Variants in TAF4B observed in about 807,000 individuals in gnomAD.
The protein encoded by TAF4B is transcription initiation factor TFIID subunit 4B.
Under a neutral mutation model 86.4 loss-of-function variants are expected in TAF4B, and 38 were observed. That is an observed-to-expected ratio of 0.44 (90% confidence interval 0.34 to 0.58). The LOEUF is 0.58. TAF4B is among the 20% of genes least tolerant of loss of function. The probability of loss-of-function intolerance (pLI) is 0.02; values close to 1 mark genes in which losing one functional copy is unlikely to be tolerated. For missense variants in TAF4B, 988 were observed against 1,027.6 expected, an observed-to-expected ratio of 0.96 and a Z score of 0.53; for synonymous variants, 388 against 391.2, an observed-to-expected ratio of 0.99 and a Z score of 0.10.
intron 9 of TAF4B, among the ~76,000 whole-genome samples, chr18:26,300,453 G>T (rs2056718134): frequency 1.5e-5 from 2 of 136,778 alleles, no homozygotes; most frequent in South Asian, 4.9e-4. Flanking sequence ...GCACCCAACT[G>T]ATTATAGGGT....
At chr18:26,260,793 T>C (rs2056153890) in intron 1 of TAF4B, among the ~76,000 whole-genome samples, 1 of 152,264 alleles carries the variant, frequency 6.6e-6, no homozygotes, top group Non-Finnish European at 1.5e-5. Context: ...TTAAAAATAA[T>C]ATCTATCTCT....
At chr18:26,280,576 A>G (rs1348309990) in intron 5 of TAF4B, among the ~76,000 whole-genome samples, 1 of 152,224 alleles carries the variant, frequency 6.6e-6, no homozygotes, top group Non-Finnish European at 1.5e-5. Context: ...TAATCATCAG[A>G]GAAATGCAAA....
chr18:26,277,197 C>T (rs1395690622), intron 5 of TAF4B, among the ~76,000 whole-genome samples: 3 of 152,134 alleles, frequency 2.0e-5, no homozygotes, highest in Admixed American at 6.5e-5. Flanking sequence ...AATCCTCCCA[C>T]GTCAACCTCC....
chr18:26,295,985 A>ATT (rs1555679074), intron 9 of TAF4B, among the ~76,000 whole-genome samples: 3 of 32,426 alleles, frequency 9.3e-5, no homozygotes, highest in Non-Finnish European at 1.7e-4. Flanking sequence ...CTTGTTCACG[A>ATT]TTTTGTGTGT....
At chr18:26,386,362 CT>C (rs1236562715) in intron 14 of TAF4B, among the ~76,000 whole-genome samples, 1 of 151,966 alleles carries the variant, frequency 6.6e-6, no homozygotes, top group African/African-American at 2.4e-5. Flanking sequence ...CCTTTCCCCC[CT>C]CTCTTTGCTT....
chr18:26,285,978 T>C lies in TAF4B; in HGVS notation c.1069T>C (p.Cys357Arg), dbSNP rs2056515820. ...TTCTAGTGACATGGTCATTGCTACC[T>C]GTACTACAACAGTAACAACTTCTCC... is the stretch of plus-strand genomic sequence containing the variant. ...QTSSDMVIAT[C>R]TTTVTTSPVV... Residue 357 changes from cysteine (C) to arginine (R), a missense_variant, in exon 7 of 15, where the codon TGT becomes CGT. By Grantham distance (180) the Cys-to-Arg change is radical. Coordinates refer to ENST00000269142, the MANE Select transcript of TAF4B (RefSeq NM_005640.3). 1.2e-6 allele frequency: 2 copies of C among 1,614,112 alleles called. No individual in the cohort carries two copies. The highest frequency in any genetic ancestry group is 1.7e-5 in the Admixed American group (1 of 60,014).
At chr18:26,312,507 T>C (rs2056863258) in intron 9 of TAF4B, among the ~76,000 whole-genome samples, 1 of 152,162 alleles carries the variant, frequency 6.6e-6, no homozygotes, top group East Asian at 1.9e-4. Context: ...GAGTAGTTAG[T>C]TCCCTGCTCA....
At position 26,286,431 on chromosome 18, in the gene TAF4B, C is replaced by T. The variant is rs2056524530; in HGVS notation, c.1522C>T (p.Leu508Phe). The change falls in exon 7 of 15, where the codon CTT becomes TTT. Residue 508 changes from leucine to phenylalanine, a missense_variant. Physicochemically the swap from Leu to Phe is conservative, Grantham distance 22. Transcript: ENST00000269142. ...TATTGGGACTCCAGTTCAAATCAAA[C>T]TTGCCCAGCCGGGCCCTGTCCTTTC... ...PVIGTPVQIK[L>F]AQPGPVLSQP... is the part of the protein sequence containing the mutation. The T allele has an allele frequency of 3.1e-6, 5 of 1,614,202 alleles. No individual in the cohort carries two copies. The East Asian group carries it at 1.1e-4, about 36-fold the overall frequency.
intron 9 of TAF4B, 39 bp from the exon 10 acceptor site, chr18:26,315,190 C>CAAAAA: frequency 7.2e-7 from 1 of 1,395,222 alleles, no homozygotes. Flanking sequence ...CACACACACA[C>CAAAAA]ACAACCTAAA....
intron 5 of TAF4B, among the ~76,000 whole-genome samples, chr18:26,280,043 C>CAAAAAAAAA: frequency 6.9e-6 from 1 of 144,694 alleles, no homozygotes; most frequent in South Asian, 2.2e-4. Context: ...GACTCTATCT[C>CAAAAAAAAA]AAAAAAAAAA....
intron 9 of TAF4B, among the ~76,000 whole-genome samples, chr18:26,306,911 G>A (rs2056800793): frequency 6.6e-6 from 1 of 152,016 alleles, no homozygotes; most frequent in Non-Finnish European, 1.5e-5. Context: ...CTGAGTAGCT[G>A]GGTCTACAGG....
intron 12 of TAF4B, among the ~76,000 whole-genome samples, chr18:26,329,693 T>G (rs1045081675): frequency 6.6e-6 from 1 of 152,272 alleles, no homozygotes; most frequent in African/African-American, 2.4e-5. Flanking sequence ...TCAAGCATGC[T>G]TGGCAGGAAT....
At chr18:26,378,805 A>T (rs1424244830) in intron 14 of TAF4B, among the ~76,000 whole-genome samples, 1 of 152,118 alleles carries the variant, frequency 6.6e-6, no homozygotes, top group Non-Finnish European at 1.5e-5. Flanking sequence ...CCATATGATA[A>T]TGTAGTCTTG....
At position 26,327,112 on chromosome 18, in the gene TAF4B, A is replaced by G. The variant is rs746706226; in HGVS notation, c.2231A>G (p.Glu744Gly). 9.3e-6 allele frequency: 15 copies of G among 1,613,136 alleles called. No individual in the cohort carries two copies. The South Asian group carries it at 1.5e-4, about 17-fold the overall frequency. ...QLEKQRKDLE[E>G]REMLLKAAKS... Reference sequence around the variant, plus strand: ...GAGAAGCAGAGAAAGGATTTGGAAGAAAGAGAAATGTTACTTAAGGCAGCC... The same window carrying G: ...GAGAAGCAGAGAAAGGATTTGGAAGGAAGAGAAATGTTACTTAAGGCAGCC... The change falls in exon 12 of 15, where the codon GAA (glutamate) becomes GGA (glycine). Residue 744 changes from glutamate to glycine, a missense_variant. Transcript: ENST00000269142.
At chr18:26,381,933 A>G (rs1191143224) in intron 14 of TAF4B, among the ~76,000 whole-genome samples, 3 of 148,378 alleles carry the variant, frequency 2.0e-5, no homozygotes, top group African/African-American at 5.0e-5. Context: ...TATGTTTCCA[A>G]TTTCTAATGG....
Position 26,226,679 on chromosome 18 carries a change from G to A in TAF4B, c.-255G>A. On this transcript the variant is annotated 5_prime_UTR_variant, in exon 1 of 15. Transcript: ENST00000269142. ...GCAGCGCACGTGTGAGCGCCGCTGAGGAAGCTGCGAGAGGTCGGGCGGGTG... is the reference window on the plus strand; with the variant it reads ...GCAGCGCACGTGTGAGCGCCGCTGAAGAAGCTGCGAGAGGTCGGGCGGGTG... 2.7e-6 allele frequency: 1 copy of A among 373,362 alleles called. No homozygotes were observed. The highest frequency in any genetic ancestry group is 2.1e-5 in the African/African-American group (1 of 47,818). The allele number at this position is 373,362 out of a possible 1,614,324, so 23.1% of individuals were successfully genotyped here. A position where few individuals can be genotyped will look rare whatever the true frequency, so the allele number is the denominator to read the frequency against.
chr18:26,239,015 G>A (rs1324505276), intron 1 of TAF4B, among the ~76,000 whole-genome samples: 1 of 152,214 alleles, frequency 6.6e-6, no homozygotes, highest in Admixed American at 6.5e-5. Flanking sequence ...TTGGTTCCAA[G>A]TCTTTGCTAT....
chr18:26,325,611 A>G (rs553777514), intron 11 of TAF4B, among the ~76,000 whole-genome samples: 1 of 152,282 alleles, frequency 6.6e-6, no homozygotes, highest in East Asian at 1.9e-4. Context: ...TAAAATTTAA[A>G]AAGTCTGTGA....
At chr18:26,302,744 C>T (rs1490102428) in intron 9 of TAF4B, among the ~76,000 whole-genome samples, 5 of 151,984 alleles carry the variant, frequency 3.3e-5, no homozygotes, top group African/African-American at 4.8e-5. Flanking sequence ...GATCCTGATT[C>T]GTTTTTCCCC....
Sources: allele counts gnomAD v4.1 joint callset (sites outside exome capture counted in the v4.1 genomes callset), GRCh38; gene constraint gnomAD v4.1.1; transcripts MANE v1.5; gene names NCBI Gene and HGNC (gene_info 2026-07-23, HGNC 2026-07-21).